The following TXNDC5 variants were observed in gnomAD, a reference collection of about 807,000 sequenced individuals.
TXNDC5 encodes thioredoxin domain-containing protein 5.
Under a neutral mutation model 52.6 loss-of-function variants are expected in TXNDC5, and 44 were observed. The observed-to-expected ratio is 0.84, with a 90% CI of 0.66 to 1.08. TXNDC5 has a LOEUF of 1.08. Among genes scored for constraint, TXNDC5 ranks in the 50% least tolerant of loss-of-function variants. TXNDC5 has a pLI of 0.00. For missense variants in TXNDC5, 600 were observed against 565.5 expected (o/e 1.06, Z -0.62); for synonymous variants, 241 against 234.4 (o/e 1.03, Z -0.26).
Position 7,882,959 on chromosome 6 carries a change from TAACTTAA to T in TXNDC5, c.*178_*184del. On this transcript the variant is annotated 3_prime_UTR_variant, in exon 10 of 10. Coordinates refer to ENST00000379757, the MANE Select transcript of TXNDC5 (RefSeq NM_030810.5). Reference sequence around the variant, plus strand: ...AGTTACACATTTACTTAGAGAAACTTAACTTAATAAAGAATCTGTAGAGTGTGTTGGC... The same window carrying T: ...AGTTACACATTTACTTAGAGAAACTTTAAAGAATCTGTAGAGTGTGTTGGC... 1.4e-6 allele frequency: 1 copy of T among 700,230 alleles called. No homozygotes were observed. 43.4% of individuals were successfully genotyped at this position (700,230 alleles called of 1,614,324 possible).
chr6:7,890,017 T>TA (rs1313462031), intron 5 of TXNDC5, among the ~76,000 whole-genome samples: 3 of 152,214 alleles, frequency 2.0e-5, no homozygotes, highest in Non-Finnish European at 2.9e-5. Context: ...TAGAGGGTTT[T>TA]AAAATCAACA....
chr6:7,889,060 C>A, intron 6 of TXNDC5: 1 of 565,512 alleles, frequency 1.8e-6, no homozygotes, highest in Admixed American at 3.7e-5. Flanking sequence ...CTCTTCCCTC[C>A]ACGGGGTTAC....
At chr6:7,888,165 C>T (rs1252278838) in intron 7 of TXNDC5, among the ~76,000 whole-genome samples, 2 of 152,186 alleles carry the variant, frequency 1.3e-5, no homozygotes, top group Non-Finnish European at 2.9e-5. Context: ...AATCTGAAAC[C>T]TCCTGCTACC....
At chr6:7,894,510 A>C (rs780326427) in intron 4 of TXNDC5, among the ~76,000 whole-genome samples, 3 of 152,184 alleles carry the variant, frequency 2.0e-5, no homozygotes, top group Non-Finnish European at 4.4e-5. Flanking sequence ...TTGGTTCCAG[A>C]CCACTGCAAT....
chr6:7,904,931 G>A (rs977182183), intron 1 of TXNDC5, among the ~76,000 whole-genome samples: 16 of 152,150 alleles, frequency 1.1e-4, no homozygotes, highest in African/African-American at 3.6e-4. Context: ...TGAAATCTTG[G>A]CCTTGTTCCA....
intron 3 of TXNDC5, among the ~76,000 whole-genome samples, chr6:7,896,853 G>GA (rs1760386203): frequency 6.6e-6 from 1 of 152,198 alleles, no homozygotes; most frequent in South Asian, 2.1e-4. Flanking sequence ...GTGCATCCCA[G>GA]AAACAGGTCA....
At chr6:7,891,791 A>T (rs967684875) in intron 4 of TXNDC5, 55 bp from the exon 5 acceptor site, 1 of 1,235,228 alleles carries the variant, frequency 8.1e-7, no homozygotes, top group Non-Finnish European at 1.2e-6. Context: ...AATTTATGTC[A>T]GACCTCACTA....
At chr6:7,892,338 A>G (rs1354343227) in intron 4 of TXNDC5, among the ~76,000 whole-genome samples, 2 of 152,288 alleles carry the variant, frequency 1.3e-5, no homozygotes, top group Non-Finnish European at 1.5e-5. Context: ...CGGGGACACA[A>G]TTAGCAAAGT....
intron 2 of TXNDC5, among the ~76,000 whole-genome samples, chr6:7,900,443 A>G (rs1290588377): frequency 1.3e-5 from 2 of 152,242 alleles, no homozygotes. Flanking sequence ...GACTACCAAT[A>G]GAAGAAAAAA....
rs185662062 is a variant in TXNDC5 at position 7,889,946 on chromosome 6, C to T, written c.733-365G>A. 1.9e-3 allele frequency among the ~76,000 whole-genome samples: 283 copies of T among 152,250 alleles called. 4 individuals carry two copies. Among genetic ancestry groups the T allele is most frequent in the African/African-American group, 6.6e-3 (276 of 41,556 alleles). ...GTGGGAGGGGGGTTAGCCTGGCTGT[C>T]GGTGACTGGGACCCAGACCAGTTCA... On this transcript the variant is annotated intron_variant, in intron 5 of 9. Coordinates refer to ENST00000379757, the MANE Select transcript of TXNDC5 (RefSeq NM_030810.5).
intron 1 of TXNDC5, among the ~76,000 whole-genome samples, chr6:7,905,104 C>G (rs537159183): frequency 8.5e-5 from 13 of 152,314 alleles, no homozygotes; most frequent in Non-Finnish European, 1.5e-4. Context: ...CTTGGCTTGG[C>G]CCTGGGACAC....
chr6:7,890,939 G>C (rs1241699974), intron 5 of TXNDC5, among the ~76,000 whole-genome samples: 1 of 152,146 alleles, frequency 6.6e-6, no homozygotes, highest in Non-Finnish European at 1.5e-5. Context: ...AGATCATCCT[G>C]TTAACCATCA....
chr6:7,889,232 A>G (rs1225946), intron 6 of TXNDC5: 164,645 of 467,516 alleles, frequency 0.35, 33,442 homozygotes, highest in East Asian at 0.68. Context: ...TTGTGTTTAC[A>G]ACCAGAGCAC....
At chr6:7,889,632 T>C (rs1367024018) in intron 5 of TXNDC5, 51 bp from the exon 6 acceptor site, 1 of 1,421,668 alleles carries the variant, frequency 7.0e-7, no homozygotes, top group Non-Finnish European at 9.9e-7. Flanking sequence ...ATGAACCTTC[T>C]TGCTAATGGG....
intron 2 of TXNDC5, chr6:7,900,298 T>C (rs1017842039): frequency 7.2e-5 from 11 of 152,128 alleles, no homozygotes; most frequent in African/African-American, 2.7e-4. Context: ...GTAGGTCCTT[T>C]AACCATAAGC....
In TXNDC5 at chr6:7,882,364, G is replaced by T. The variant is rs1409416222; in HGVS notation, c.*780C>A. 1 of 152,184 alleles carries T rather than the reference G, an allele frequency of 6.6e-6. No homozygotes were observed. Among genetic ancestry groups the T allele is most frequent in the East Asian group, 1.9e-4 (1 of 5,196 alleles). 9.4% of individuals were successfully genotyped at this position (152,184 alleles called of 1,614,324 possible). On this transcript the variant is annotated 3_prime_UTR_variant, in exon 10 of 10. Transcript: ENST00000379757. ...ATTTTCCATGCCTACCCTTTCTAAG[G>T]AAGACATCCAACAGTTCATGTGGGC... is the stretch of plus-strand genomic sequence containing the variant.
chr6:7,910,528 C>A lies in TXNDC5; in HGVS notation c.249G>T (p.Met83Ile). Residue 83 changes from methionine (M) to isoleucine (I), a missense_variant, in exon 1 of 10, where the codon ATG (methionine) becomes ATT (isoleucine). Coordinates refer to ENST00000379757, the MANE Select transcript of TXNDC5 (RefSeq NM_030810.5). Reference sequence around the variant, plus strand: ...CGCGGCGTTACCAGGGCGCGAAGAACATGACGAAGTGCGCGGCGCTCTGGA... The same window carrying A: ...CGCGGCGTTACCAGGGCGCGAAGAAAATGACGAAGTGCGCGGCGCTCTGGA... ...HGIQSAAHFV[M>I]FFAPWCGHCQ... The A allele has an allele frequency of 2.8e-6, 4 of 1,451,070 alleles. No individual in the cohort carries two copies. The highest frequency in any genetic ancestry group is 3.7e-6 in the Non-Finnish European group (4 of 1,091,496). The allele number at this position is 1,451,070 out of a possible 1,614,324, so 89.9% of individuals were successfully genotyped here. A position where few individuals can be genotyped will look rare whatever the true frequency, so the allele number is the denominator to read the frequency against.
chr6:7,889,114 T>G, intron 6 of TXNDC5: 1 of 487,050 alleles, frequency 2.1e-6, no homozygotes, highest in South Asian at 3.7e-5. Flanking sequence ...CAAGCCGTTG[T>G]GCTGATGGGG....
intron 4 of TXNDC5, among the ~76,000 whole-genome samples, chr6:7,894,553 A>T (rs1760303320): frequency 6.6e-6 from 1 of 152,224 alleles, no homozygotes; most frequent in African/African-American, 2.4e-5. Context: ...AAGTCACACA[A>T]ATTTTTTGGT....
Sources: allele counts gnomAD v4.1 joint callset (sites outside exome capture counted in the v4.1 genomes callset), GRCh38; gene constraint gnomAD v4.1.1; transcripts MANE v1.5; gene names NCBI Gene and HGNC (gene_info 2026-07-23, HGNC 2026-07-21).